Variants in PAH observed in about 807,000 individuals in gnomAD.
The protein encoded by PAH is phenylalanine hydroxylase, also known as phenylalanine-4-hydroxylase.
A neutral mutation model predicts 62.0 loss-of-function variants in PAH; 64 were observed. The ratio of observed to expected loss-of-function variants is 1.03; its 90% CI spans 0.84 to 1.27. The LOEUF (loss-of-function observed/expected upper bound fraction) is 1.27. Ranked by LOEUF, PAH falls within the 50% of genes most tolerant of loss-of-function variation. The pLI is 0.00. For missense variants in PAH, 579 were observed against 542.8 expected (o/e 1.07, Z -0.66); for synonymous variants, 195 against 196.2 (o/e 0.99, Z 0.05).
chr12:102,936,464 T>C (rs1419399132), intron 1 of PAH, among the ~76,000 whole-genome samples: 1 of 152,234 alleles, frequency 6.6e-6, no homozygotes, highest in East Asian at 1.9e-4. Context: ...TTCTGCTCAA[T>C]GCTGAAAGTG....
intron 3 of PAH, among the ~76,000 whole-genome samples, chr12:102,881,891 T>C (rs1378510667): frequency 6.6e-6 from 1 of 152,220 alleles, no homozygotes; most frequent in Admixed American, 6.5e-5. Flanking sequence ...GTTGTTTCCC[T>C]TGGCTGTTGT....
upstream of PAH, among the ~76,000 whole-genome samples, chr12:102,918,977 G>A (rs954829686): frequency 2.0e-5 from 3 of 152,104 alleles, no homozygotes; most frequent in African/African-American, 4.8e-5. Context: ...ATAAAGAAAA[G>A]CAAAGAATAT....
At chr12:102,941,411 AACC>A (rs1413887034) in intron 1 of PAH, among the ~76,000 whole-genome samples, 2 of 152,164 alleles carry the variant, frequency 1.3e-5, no homozygotes, top group Non-Finnish European at 2.9e-5. Context: ...TCTTCAAGAG[AACC>A]ATCTGACATG....
chr12:102,897,458 T>C (rs996483055), intron 2 of PAH, among the ~76,000 whole-genome samples: 110 of 127,796 alleles, frequency 8.6e-4, no homozygotes, highest in Non-Finnish European at 1.4e-3. Context: ...TATATGTGTG[T>C]GTGTGTGTAT....
rs1365881140 is a variant in PAH, at chr12:102,888,558, A to G, written c.352+6177T>C. Among the ~76,000 whole-genome samples the G allele has an allele frequency of 2.0e-5, 3 of 149,840 alleles. No homozygotes were observed. The East Asian group carries it at 5.9e-4, about 29-fold the overall frequency. ...CCTGGCAAACTAGATGGGCTGCAGA[A>G]ATAGCATTTGCTCAGGATCTTCCTT... On this transcript the variant is annotated intron_variant, in intron 3 of 12. Coordinates refer to ENST00000553106, the MANE Select transcript of PAH (RefSeq NM_000277.3).
chr12:102,855,443 G>A, intron 5 of PAH, 111 bp from the exon 6 acceptor site: 1 of 767,896 alleles, frequency 1.3e-6, no homozygotes. Context: ...GCCATCACTT[G>A]CTACAGTGAA....
chr12:102,938,592 C>T (rs996629365), intron 1 of PAH, among the ~76,000 whole-genome samples: 1 of 152,172 alleles, frequency 6.6e-6, no homozygotes, highest in African/African-American at 2.4e-5. Flanking sequence ...GAACAGCCAC[C>T]CTACTCCCAC....
At chr12:102,888,866 T>C (rs904434522) in intron 3 of PAH, among the ~76,000 whole-genome samples, 2 of 151,804 alleles carry the variant, frequency 1.3e-5, no homozygotes, top group African/African-American at 4.8e-5. Context: ...AGATACTTGG[T>C]CTCCTGCAGA....
chr12:102,906,519 G>A (rs1208425874), intron 2 of PAH, among the ~76,000 whole-genome samples: 2 of 152,118 alleles, frequency 1.3e-5, no homozygotes, highest in African/African-American at 2.4e-5. Flanking sequence ...ATACTTCAGA[G>A]GTTAAAAGTT....
intron 1 of PAH, among the ~76,000 whole-genome samples, chr12:102,938,871 G>T (rs1181205547): frequency 6.6e-6 from 1 of 152,134 alleles, no homozygotes; most frequent in African/African-American, 2.4e-5. Context: ...CCCAACCTGG[G>T]CTCCCACCAC....
intron 1 of PAH, among the ~76,000 whole-genome samples, chr12:102,928,119 A>G (rs1187784363): frequency 6.6e-6 from 1 of 152,180 alleles, no homozygotes; most frequent in Non-Finnish European, 1.5e-5. Flanking sequence ...TACTTTCTAC[A>G]GTCCAATGAG....
intron 2 of PAH, among the ~76,000 whole-genome samples, chr12:102,897,463 G>GTATATA (rs1298377232): frequency 2.7e-4 from 29 of 105,574 alleles, no homozygotes; most frequent in African/African-American, 8.1e-4. Flanking sequence ...GTGTGTGTGT[G>GTATATA]TGTATATATA....
At chr12:102,940,444 CAA>C (rs1369652001) in intron 1 of PAH, among the ~76,000 whole-genome samples, 1 of 152,062 alleles carries the variant, frequency 6.6e-6, no homozygotes, top group Non-Finnish European at 1.5e-5. Flanking sequence ...TAAAATGATT[CAA>C]GAGATGAAAG....
intron 1 of PAH, among the ~76,000 whole-genome samples, chr12:102,940,339 A>G (rs1049566547): frequency 1.3e-5 from 2 of 152,230 alleles, no homozygotes; most frequent in Admixed American, 1.3e-4. Flanking sequence ...AATGACTGAA[A>G]TGACAGACAT....
In PAH at chr12:102,957,645, T is replaced by C. The variant is rs1228958871; in HGVS notation, c.-96+550A>G. The C allele has an allele frequency of 1.3e-5, 2 of 151,984 alleles. No individual in the cohort carries two copies. The highest frequency in any genetic ancestry group is 1.3e-4 in the Admixed American group (2 of 15,270). 9.4% of individuals were successfully genotyped at this position (151,984 alleles called of 1,614,324 possible). On this transcript the variant is annotated intron_variant, in intron 1 of 4. Transcript: ENST00000551337. The surrounding 1 kb of genome is among the most constrained non-coding windows in gnomAD (Gnocchi z 4.1). ...GCTGCGCGTGGGGCTGGGTGTCCCA[T>C]TGAAAAGGCGGACGCACTCCGGCAG... is the stretch of plus-strand genomic sequence containing the variant.
intron 5 of PAH, among the ~76,000 whole-genome samples, chr12:102,858,153 G>A (rs945100206): frequency 3.3e-5 from 5 of 151,776 alleles, no homozygotes; most frequent in African/African-American, 7.3e-5. Flanking sequence ...AATGGAAAAT[G>A]AAAAAAGGCA....
intron 1 of PAH, among the ~76,000 whole-genome samples, chr12:102,939,869 CAGT>C (rs1218807793): frequency 2.0e-5 from 3 of 152,178 alleles, no homozygotes; most frequent in African/African-American, 7.2e-5. Context: ...CCCAGGGCTG[CAGT>C]GTGCAGCCTG....
intron 5 of PAH, among the ~76,000 whole-genome samples, chr12:102,864,032 G>A (rs1875842133): frequency 6.6e-6 from 1 of 152,050 alleles, no homozygotes; most frequent in South Asian, 2.1e-4. Context: ...TTCAACAAAT[G>A]TTAATTGAGC....
intron 5 of PAH, among the ~76,000 whole-genome samples, chr12:102,860,007 G>C (rs142615671): frequency 1.3e-5 from 2 of 151,920 alleles, no homozygotes; most frequent in Non-Finnish European, 1.5e-5. Context: ...AGAAATAAAC[G>C]GTATTCAATT....
Sources: gnomAD v4.1 joint callset for allele counts (sites outside exome capture counted in the v4.1 genomes callset) on GRCh38, gnomAD v4.1.1 for gene constraint, Gnocchi (gnomAD v3.1) non-coding constraint, MANE v1.5 for transcripts, NCBI Gene and HGNC (gene_info 2026-07-23, HGNC 2026-07-21) for gene names.